The following EBF1 variants were observed in gnomAD, a reference collection of about 807,000 sequenced individuals.
EBF1 encodes the protein transcription factor COE1.
EBF1 carries 10 observed loss-of-function variants against 68.4 expected under a neutral mutation model. That is an observed-to-expected ratio of 0.15 (90% CI 0.09 to 0.25). The LOEUF (loss-of-function observed/expected upper bound fraction) is 0.25, where lower values mean the gene tolerates loss of function less well. Ranked by LOEUF, EBF1 falls within the 10% of genes least tolerant of loss-of-function variation. The pLI, the probability that EBF1 is intolerant of heterozygous loss-of-function variation, is 1.00. For missense variants in EBF1, 509 were observed against 794.4 expected (o/e 0.64, Z 4.32); for synonymous variants, 298 against 299.8 (o/e 0.99, Z 0.06).
chr5:158,958,386 T>C (rs1817549643), intron 6 of EBF1, among the ~76,000 whole-genome samples: 1 of 152,144 alleles, frequency 6.6e-6, no homozygotes. Context: ...GCGGTGCTGA[T>C]TGGAGTACCA....
chr5:159,059,934 A>G lies in EBF1; in HGVS notation c.554+13462T>C, dbSNP rs562076709. On this transcript the variant is annotated intron_variant, in intron 6 of 15. Coordinates refer to ENST00000313708, the MANE Select transcript of EBF1 (RefSeq NM_024007.5). ...ATATGAATAATTCAGCAGCCTCCACACTGCTGTTGAGGTCAGCCTGCCTTG... is the reference window on the plus strand; with the variant it reads ...ATATGAATAATTCAGCAGCCTCCACGCTGCTGTTGAGGTCAGCCTGCCTTG... Among the ~76,000 whole-genome samples the G allele has an allele frequency of 1.1e-4, 17 of 152,360 alleles. No individual in the cohort carries two copies. In the South Asian group the frequency reaches 3.3e-3, roughly 30 times the overall value.
At chr5:159,031,275 TAA>T (rs1768791560) in intron 6 of EBF1, among the ~76,000 whole-genome samples, 1 of 152,198 alleles carries the variant, frequency 6.6e-6, no homozygotes, top group South Asian at 2.1e-4. Context: ...TCGGAATTTA[TAA>T]AAGAGGATCA....
At chr5:158,874,727 C>T (rs1363596211) in intron 6 of EBF1, among the ~76,000 whole-genome samples, 1 of 151,882 alleles carries the variant, frequency 6.6e-6, no homozygotes, top group Non-Finnish European at 1.5e-5. Context: ...GGCTTAACAG[C>T]ATTCTGACAA....
intron 11 of EBF1, among the ~76,000 whole-genome samples, chr5:158,721,865 T>C (rs1264640510): frequency 6.6e-6 from 1 of 152,090 alleles, no homozygotes; most frequent in Non-Finnish European, 1.5e-5. Context: ...TGAAACCAGG[T>C]ATTTCTGAGA....
intron 10 of EBF1, among the ~76,000 whole-genome samples, chr5:158,764,459 C>T (rs959802262): frequency 1.6e-4 from 25 of 152,180 alleles, no homozygotes; most frequent in Non-Finnish European, 3.7e-4. Flanking sequence ...GTCATTCCTT[C>T]ACACATTTTT....
At chr5:158,984,335 G>A (rs1005678957) in intron 6 of EBF1, among the ~76,000 whole-genome samples, 16 of 152,132 alleles carry the variant, frequency 1.1e-4, no homozygotes, top group Non-Finnish European at 1.6e-4. Context: ...CTTGTTCAAC[G>A]ACCTGAGTTT....
intron 10 of EBF1, among the ~76,000 whole-genome samples, chr5:158,768,742 C>T (rs1773282519): frequency 6.6e-6 from 1 of 152,108 alleles, no homozygotes; most frequent in African/African-American, 2.4e-5. Flanking sequence ...TGGAATACAT[C>T]TTAGGAAAAG....
Position 158,696,417 on chromosome 5 carries a change from G to A in EBF1, c.*2694C>T, listed in dbSNP as rs980702240. On this transcript the variant is annotated 3_prime_UTR_variant, in exon 16 of 16. Transcript: ENST00000313708. ...ACTTTCAAGAAGAGTTCTAACCACT[G>A]CACATGGCTGACAGATGGGTAGTGT... 9.0e-6 allele frequency: 2 copies of A among 221,258 alleles called. No homozygotes were observed. Among genetic ancestry groups the A allele is most frequent in the African/African-American group, 4.5e-5 (2 of 44,646 alleles). 13.7% of individuals were successfully genotyped at this position (221,258 alleles called of 1,614,324 possible).
At chr5:158,746,671 A>G (rs1767650261) in intron 10 of EBF1, among the ~76,000 whole-genome samples, 1 of 152,190 alleles carries the variant, frequency 6.6e-6, no homozygotes, top group Admixed American at 6.5e-5. Context: ...CCTTCCTTCT[A>G]TACTCTCTCT....
chr5:159,065,713 A>G (rs1160426106), intron 6 of EBF1, among the ~76,000 whole-genome samples: 1 of 152,058 alleles, frequency 6.6e-6, no homozygotes, highest in East Asian at 1.9e-4. Flanking sequence ...AAAGCCCCAT[A>G]AAATATGTAT....
intron 11 of EBF1, among the ~76,000 whole-genome samples, chr5:158,716,744 G>T (rs547030350): frequency 6.6e-6 from 1 of 152,112 alleles, no homozygotes; most frequent in South Asian, 2.1e-4. Flanking sequence ...ATGTCATTAC[G>T]CTCCCAGTGA....
chr5:158,823,177 A>G lies in EBF1; in HGVS notation c.777T>C (p.His259=), dbSNP rs1463926430. Reference sequence around the variant, plus strand: ...AACCAATGAAAATGATTCGCCTACCATGTTCCAGATAAGAGGGCGTACCTT... The same window carrying G: ...AACCAATGAAAATGATTCGCCTACCGTGTTCCAGATAAGAGGGCGTACCTT... ...PSEGTPSYLE[H]ATPCIKAISP... The change falls in exon 8 of 16, where the codon CAT becomes CAC. Residue 259 remains histidine (H), a splice_region_variant and synonymous_variant. Coordinates refer to ENST00000313708, the MANE Select transcript of EBF1 (RefSeq NM_024007.5). 2 of 1,613,844 alleles carry G rather than the reference A, an allele frequency of 1.2e-6. No individual in the cohort carries two copies. The highest frequency in any genetic ancestry group is 1.7e-6 in the Non-Finnish European group (2 of 1,179,866).
chr5:159,027,242 T>C (rs1767882374), intron 6 of EBF1, among the ~76,000 whole-genome samples: 1 of 152,206 alleles, frequency 6.6e-6, no homozygotes. Flanking sequence ...CACTGATGAC[T>C]TGAACACTTT....
intron 3 of EBF1, 54 bp downstream of exon 3, chr5:159,096,289 C>T: frequency 6.3e-7 from 1 of 1,576,702 alleles, no homozygotes. Flanking sequence ...CCCTGCGCCC[C>T]CTGCCCAGAC....
chr5:158,999,308 T>C (rs1251755372), intron 6 of EBF1, among the ~76,000 whole-genome samples: 1 of 152,202 alleles, frequency 6.6e-6, no homozygotes, highest in Non-Finnish European at 1.5e-5. Flanking sequence ...TCCATAAAAA[T>C]CCCAAATTTT....
At chr5:159,084,544 G>T in intron 5 of EBF1, 122 bp downstream of exon 5, 1 of 755,490 alleles carries the variant, frequency 1.3e-6, no homozygotes, top group Non-Finnish European at 1.9e-6. Flanking sequence ...TTTTTAGATT[G>T]TCTATAGAAG....
chr5:158,799,283 A>G (rs1410011512), intron 8 of EBF1, among the ~76,000 whole-genome samples: 1 of 152,134 alleles, frequency 6.6e-6, no homozygotes, highest in Non-Finnish European at 1.5e-5. Flanking sequence ...TTTAAAAACT[A>G]GCCAGGTGCA....
intron 9 of EBF1, among the ~76,000 whole-genome samples, 191 bp downstream of exon 9, chr5:158,796,154 C>T (rs1391670667): frequency 2.0e-5 from 3 of 152,124 alleles, no homozygotes; most frequent in African/African-American, 7.2e-5. Flanking sequence ...GAAAGGAAGT[C>T]ATTCCAGTAG....
At chr5:158,929,844 G>A (rs1283480585) in intron 6 of EBF1, among the ~76,000 whole-genome samples, 1 of 152,116 alleles carries the variant, frequency 6.6e-6, no homozygotes, top group Non-Finnish European at 1.5e-5. Flanking sequence ...GCAGGAAAAA[G>A]GTACATAATT....
Sources: allele counts gnomAD v4.1 joint callset (sites outside exome capture counted in the v4.1 genomes callset), GRCh38; gene constraint gnomAD v4.1.1; transcripts MANE v1.5; gene names NCBI Gene and HGNC (gene_info 2026-07-23, HGNC 2026-07-21).